Variants in FBXW4 observed in about 807,000 individuals in gnomAD.
FBXW4 encodes F-box/WD repeat-containing protein 4.
In FBXW4, 40 loss-of-function variants were observed where a neutral mutation model predicts 61.8. That is an observed-to-expected ratio of 0.65 (90% confidence interval 0.50 to 0.84). The LOEUF is 0.84. FBXW4 is among the 40% of genes least tolerant of loss of function. The pLI is 0.00. For synonymous variants in FBXW4, 311 were observed against 313.8 expected, an observed-to-expected ratio of 0.99 and a Z score of 0.10; for missense variants, 672 against 753.8, an observed-to-expected ratio of 0.89 and a Z score of 1.27.
At chr10:101,675,520 A>T (rs1262092246) in intron 2 of FBXW4, among the ~76,000 whole-genome samples, 1 of 152,206 alleles carries the variant, frequency 6.6e-6, no homozygotes, top group Non-Finnish European at 1.5e-5. Context: ...CTTTACCATC[A>T]TCACCACCAC....
chr10:101,694,613 C>T lies in FBXW4; in HGVS notation c.493G>A (p.Glu165Lys), dbSNP rs886046643. The T allele has an allele frequency of 7.0e-7, 1 of 1,436,912 alleles. No homozygotes were observed. Among genetic ancestry groups the T allele is most frequent in the Non-Finnish European group, 9.0e-7 (1 of 1,105,252 alleles). The allele number at this position is 1,436,912 out of a possible 1,614,324, so 89.0% of individuals were successfully genotyped here. ...GACTCCCGAGCCGCCTCCTCCTCCT[C>T]CTCCTCCTCCCCGGCCGCCGCCGCC... ...AMAAAAGEEE[E>K]EEEAARESAA... Residue 165 changes from glutamate (E) to lysine (K), a missense_variant, in exon 1 of 9, where the codon GAG (glutamate) becomes AAG (lysine). Physicochemically the swap from Glu to Lys is moderately conservative, Grantham distance 56. This residue lies in a region of FBXW4 where 311 missense variants were observed against 301.1 expected (regional missense o/e 1.03). Transcript: ENST00000331272. This position sits in a 1 kb window ranked among gnomAD's most constrained non-coding sequence, Gnocchi z 6.0.
chr10:101,654,119 T>TAAA (rs60568785), intron 5 of FBXW4, among the ~76,000 whole-genome samples: 16,650 of 118,284 alleles, frequency 0.14, 1,419 homozygotes, highest in African/African-American at 0.22. Flanking sequence ...GACTCCGTCT[T>TAAA]AAAAAAAAAA....
chr10:101,644,804 A>G (rs1291031696), intron 5 of FBXW4, among the ~76,000 whole-genome samples: 1 of 152,218 alleles, frequency 6.6e-6, no homozygotes. Flanking sequence ...CCCATAGCAC[A>G]GGCCACTGCT....
chr10:101,616,682 G>A (rs530901406), intron 6 of FBXW4, among the ~76,000 whole-genome samples: 5 of 152,344 alleles, frequency 3.3e-5, no homozygotes, highest in East Asian at 1.9e-4. Context: ...CTGTTTTGGC[G>A]GCAGCTGGCA....
rs779212344 is a variant in FBXW4, at chr10:101,672,820, C to T, written c.1140+95G>A. 816 of 1,464,058 alleles carry T rather than the reference C, an allele frequency of 5.6e-4. 2 individuals carry two copies. Among genetic ancestry groups the T allele is most frequent in the Admixed American group, 1.2e-3 (60 of 48,520 alleles). 90.7% of individuals were successfully genotyped at this position (1,464,058 alleles called of 1,614,324 possible). A position where few individuals can be genotyped will look rare whatever the true frequency, so the allele number is the denominator to read the frequency against. Reference sequence around the variant, plus strand: ...TGTCGTTTTCTCCCCTGTCCCCAGACGATACTCTCAGCCAATCCTGAGACT... The same window carrying T: ...TGTCGTTTTCTCCCCTGTCCCCAGATGATACTCTCAGCCAATCCTGAGACT... On this transcript the variant is annotated intron_variant, in intron 4 of 8. Coordinates refer to ENST00000331272, the MANE Select transcript of FBXW4 (RefSeq NM_022039.4).
At chr10:101,638,869 A>T (rs1243579736) in intron 5 of FBXW4, among the ~76,000 whole-genome samples, 1 of 152,184 alleles carries the variant, frequency 6.6e-6, no homozygotes, top group Non-Finnish European at 1.5e-5. Flanking sequence ...GGCAGCTCTG[A>T]CAGTGCTTTC....
chr10:101,690,761 A>T (rs954823324), intron 1 of FBXW4, among the ~76,000 whole-genome samples: 1 of 152,346 alleles, frequency 6.6e-6, no homozygotes. Context: ...AGTGCAGGCC[A>T]TAAGTCCACA....
At chr10:101,684,135 T>C (rs1454728053) in intron 1 of FBXW4, among the ~76,000 whole-genome samples, 1 of 152,040 alleles carries the variant, frequency 6.6e-6, no homozygotes, top group Non-Finnish European at 1.5e-5. Flanking sequence ...CAGCTAATTT[T>C]TTATTTTAGA....
intron 6 of FBXW4, among the ~76,000 whole-genome samples, chr10:101,620,753 C>T (rs1483641789): frequency 6.6e-6 from 1 of 152,188 alleles, no homozygotes; most frequent in East Asian, 1.9e-4. Flanking sequence ...GCTCGGATTC[C>T]AGGCATGAGC....
intron 4 of FBXW4, among the ~76,000 whole-genome samples, chr10:101,669,880 G>A (rs866440597): frequency 5.9e-5 from 9 of 151,426 alleles, no homozygotes; most frequent in African/African-American, 1.7e-4. Flanking sequence ...TCAGCCTCCC[G>A]AGTAGCTGGG....
At chr10:101,689,292 A>G (rs2064565850) in intron 1 of FBXW4, among the ~76,000 whole-genome samples, 2 of 152,160 alleles carry the variant, frequency 1.3e-5, no homozygotes, top group Non-Finnish European at 2.9e-5. Flanking sequence ...CCTACCATTC[A>G]AGTTTTACAA....
chr10:101,657,123 C>A (rs1589763738), intron 5 of FBXW4, among the ~76,000 whole-genome samples: 1 of 152,134 alleles, frequency 6.6e-6, no homozygotes, highest in East Asian at 1.9e-4. Context: ...TAGGCCTGAG[C>A]CAAGCCTATA....
intron 1 of FBXW4, among the ~76,000 whole-genome samples, chr10:101,686,310 TC>T (rs1414561687): frequency 1.3e-5 from 2 of 152,206 alleles, no homozygotes; most frequent in African/African-American, 4.8e-5. Context: ...ACAGGACTTG[TC>T]AGTGCCTTTA....
intron 5 of FBXW4, among the ~76,000 whole-genome samples, chr10:101,658,136 G>C (rs947719600): frequency 1.2e-4 from 19 of 152,276 alleles, no homozygotes; most frequent in Admixed American, 1.1e-3. Context: ...AGCCACGTGT[G>C]ATTGTCCTGA....
At chr10:101,644,040 C>G (rs144230287) in intron 5 of FBXW4, among the ~76,000 whole-genome samples, 1 of 152,234 alleles carries the variant, frequency 6.6e-6, no homozygotes, top group African/African-American at 2.4e-5. Context: ...ATCCCACATT[C>G]GTACCTGGGC....
At chr10:101,674,284 G>A (rs1454888437) in intron 2 of FBXW4, among the ~76,000 whole-genome samples, 6 of 150,020 alleles carry the variant, frequency 4.0e-5, no homozygotes, top group South Asian at 2.1e-4. Flanking sequence ...AGCCGAGATC[G>A]CACCACTGCA....
intron 5 of FBXW4, among the ~76,000 whole-genome samples, chr10:101,652,010 GGGA>G (rs2064149835): frequency 6.6e-6 from 1 of 151,918 alleles, no homozygotes; most frequent in Non-Finnish European, 1.5e-5. Context: ...AATCCGAATG[GGGA>G]GGAGGGGAGA....
chr10:101,676,711 G>GAAAAAAAAAAAAAAA (rs56232127), intron 1 of FBXW4: 4 of 64,782 alleles, frequency 6.2e-5, no homozygotes, highest in Admixed American at 2.4e-4. Flanking sequence ...TCCAGATTGG[G>GAAAAAAAAAAAAAAA]AAAAAAAAAA....
chr10:101,615,510 G>A (rs145183921), intron 6 of FBXW4, among the ~76,000 whole-genome samples: 2 of 152,148 alleles, frequency 1.3e-5, no homozygotes, highest in East Asian at 3.9e-4. Flanking sequence ...GGGGAGACCT[G>A]TTTCCTTGGC....
Sources: gnomAD v4.1 joint callset for allele counts (sites outside exome capture counted in the v4.1 genomes callset) on GRCh38, gnomAD v4.1.1 for gene constraint, gnomAD v4.1.1 regional missense constraint, Gnocchi (gnomAD v3.1) non-coding constraint, MANE v1.5 for transcripts, NCBI Gene and HGNC (gene_info 2026-07-23, HGNC 2026-07-21) for gene names.